The following ZNF462 variants were observed in gnomAD, a reference collection of about 807,000 sequenced individuals.
The protein encoded by ZNF462 is zinc finger protein 462, also known as zinc finger PBX1-interacting protein.
Under a neutral mutation model 201.9 loss-of-function variants are expected in ZNF462, and 10 were observed. That is an observed-to-expected ratio of 0.05 (90% CI 0.03 to 0.08). ZNF462 has a LOEUF of 0.08. Among genes scored for constraint, ZNF462 ranks in the 10% least tolerant of loss-of-function variants. The pLI, the probability that ZNF462 is intolerant of heterozygous loss-of-function variation, is 1.00. For missense variants in ZNF462, 2,523 were observed against 3,168.3 expected (o/e 0.80, Z 4.89); for synonymous variants, 1,227 against 1,193.3 (o/e 1.03, Z -0.58).
intron 10 of ZNF462, among the ~76,000 whole-genome samples, chr9:106,996,435 G>A (rs1188468232): frequency 6.6e-6 from 1 of 152,150 alleles, no homozygotes; most frequent in Non-Finnish European, 1.5e-5. Context: ...CACCAACAGT[G>A]TAAAAGTGTT....
At chr9:106,998,382 A>T (rs977328137) in intron 10 of ZNF462, among the ~76,000 whole-genome samples, 11 of 152,274 alleles carry the variant, frequency 7.2e-5, no homozygotes, top group African/African-American at 2.6e-4. Flanking sequence ...ATCCTAGTAC[A>T]ATATGAAAAT....
At position 107,006,993 on chromosome 9, in the gene ZNF462, C is replaced by T. The variant is rs768067196; in HGVS notation, c.7190-2552C>T. Among the ~76,000 whole-genome samples, 1 of 151,902 alleles carries T rather than the reference C, an allele frequency of 6.6e-6. No homozygotes were observed. Among genetic ancestry groups the T allele is most frequent in the Non-Finnish European group, 1.5e-5 (1 of 68,014 alleles). On this transcript the variant is annotated intron_variant, in intron 11 of 12. Transcript: ENST00000277225. The surrounding 1 kb of genome is among the most constrained non-coding windows in gnomAD (Gnocchi z 4.3). Reference sequence around the variant, plus strand: ...TTTCAAACCATTTCATGAGTATGTTCTTTACAATGATTTCTTAACATCTCT... The same window carrying T: ...TTTCAAACCATTTCATGAGTATGTTTTTTACAATGATTTCTTAACATCTCT...
chr9:106,943,926 A>G (rs934759529), intron 7 of ZNF462, among the ~76,000 whole-genome samples: 4 of 152,160 alleles, frequency 2.6e-5, no homozygotes, highest in African/African-American at 9.7e-5. Flanking sequence ...GGAATGCTCT[A>G]ACATTAATTC....
intron 7 of ZNF462, among the ~76,000 whole-genome samples, chr9:106,959,455 G>T (rs1831729204): frequency 6.6e-6 from 1 of 152,078 alleles, no homozygotes; most frequent in African/African-American, 2.4e-5. Flanking sequence ...CATTGCTGTG[G>T]AACTGAGGCC....
Position 106,977,157 on chromosome 9 carries a change from G to A in ZNF462, c.6832+2884G>A, listed in dbSNP as rs1266637709. Reference sequence around the variant, plus strand: ...TTTGGTGTCCATCTCTACTCAAAATGGCAGCTCAGTAGGAAGCTGACCTTG... The same window carrying A: ...TTTGGTGTCCATCTCTACTCAAAATAGCAGCTCAGTAGGAAGCTGACCTTG... On this transcript the variant is annotated intron_variant, in intron 9 of 12. Transcript: ENST00000277225. This position sits in a 1 kb window ranked among gnomAD's most constrained non-coding sequence, Gnocchi z 4.6. 6.6e-6 allele frequency among the ~76,000 whole-genome samples: 1 copy of A among 152,072 alleles called. No homozygotes were observed. The highest frequency in any genetic ancestry group is 2.4e-5 in the African/African-American group (1 of 41,384).
chr9:106,893,614 C>CGAAAGCAACAGGCTCTGATG (rs1351862920), intron 1 of ZNF462, among the ~76,000 whole-genome samples: 1 of 152,122 alleles, frequency 6.6e-6, no homozygotes, highest in Non-Finnish European at 1.5e-5. Context: ...ACTAATATGT[C>CGAAAGCAACAGGCTCTGATG]GAAAGCAACA....
rs1453614785 is a variant in ZNF462, at chr9:106,899,979, T to C, written c.-30-23375T>C. Among the ~76,000 whole-genome samples the C allele has an allele frequency of 2.6e-5, 4 of 151,984 alleles. 1 individual carries two copies. The highest frequency in any genetic ancestry group is 4.2e-4 in the South Asian group (2 of 4,806). The stretch of plus-strand genomic sequence containing the variant: ...ACACTGCACCATATTTGTAGTCTTT[T>C]ATCTCTTGCCCCCCTCCCACTCTTC... On this transcript the variant is annotated intron_variant, in intron 1 of 12. Transcript: ENST00000277225.
intron 7 of ZNF462, among the ~76,000 whole-genome samples, chr9:106,955,401 T>C (rs1404944666): frequency 6.6e-6 from 1 of 152,196 alleles, no homozygotes; most frequent in African/African-American, 2.4e-5. Context: ...GATTTATTGC[T>C]AAAAAATGCT....
At chr9:106,998,748 C>G (rs1828933672) in intron 10 of ZNF462, among the ~76,000 whole-genome samples, 1 of 152,016 alleles carries the variant, frequency 6.6e-6, no homozygotes, top group East Asian at 1.9e-4. Flanking sequence ...GCTGGGATTA[C>G]AGGTACCCGC....
chr9:106,940,958 C>T (rs1830843848), intron 7 of ZNF462, among the ~76,000 whole-genome samples: 1 of 152,186 alleles, frequency 6.6e-6, no homozygotes, highest in Admixed American at 6.5e-5. Flanking sequence ...TAATTGTTTT[C>T]ATCTGACATG....
rs560817383 is a variant in ZNF462 at position 106,926,185 on chromosome 9, A to G, written c.2273A>G (p.Gln758Arg). ...GAGGTTCCCACTTCCTTTTCTGCCC[A>G]ACAGATATGGGTAAGAGATACCAGT... is the stretch of plus-strand genomic sequence containing the variant. ...IIEVPTSFSA[Q>R]QIWVRDTSEP... Residue 758 changes from glutamine to arginine, a missense_variant, in exon 3 of 13, where the codon CAA (glutamine) becomes CGA (arginine). Transcript: ENST00000277225. This position sits in a 1 kb window ranked among gnomAD's most constrained non-coding sequence, Gnocchi z 7.9. 1 of 1,614,218 alleles carries G rather than the reference A, an allele frequency of 6.2e-7. No individual in the cohort carries two copies. The highest frequency in any genetic ancestry group is 8.5e-7 in the Non-Finnish European group (1 of 1,180,038).
intron 10 of ZNF462, among the ~76,000 whole-genome samples, chr9:106,988,138 A>C (rs1827993495): frequency 6.6e-6 from 1 of 152,098 alleles, no homozygotes; most frequent in Non-Finnish European, 1.5e-5. Flanking sequence ...GACGTACCTG[A>C]GACTGGGCAA....
Position 106,924,668 on chromosome 9 carries a change from C to T in ZNF462, c.756C>T (p.Thr252=), listed in dbSNP as rs751673649. Residue 252 remains threonine, a synonymous_variant, in exon 3 of 13, where the codon ACC becomes ACT. Coordinates refer to ENST00000277225, the MANE Select transcript of ZNF462 (RefSeq NM_021224.6). The surrounding 1 kb of genome is among the most constrained non-coding windows in gnomAD (Gnocchi z 6.2). ...NFCCEWCSYQ[T]PRRERWCDHM... ...GTTGTGAGTGGTGCAGCTACCAGAC[C>T]CCCCGCCGAGAACGCTGGTGTGACC... 2 of 1,614,060 alleles carry T rather than the reference C, an allele frequency of 1.2e-6. No homozygotes were observed. Among genetic ancestry groups the T allele is most frequent in the Non-Finnish European group, 8.5e-7 (1 of 1,180,000 alleles).
At chr9:106,979,240 T>A (rs975314863) in intron 9 of ZNF462, 1 of 153,988 alleles carries the variant, frequency 6.5e-6, no homozygotes. Flanking sequence ...GCCAACAATC[T>A]TCTTCTCTTG....
At position 106,954,121 on chromosome 9, in the gene ZNF462, A is replaced by G. The variant is rs535195937; in HGVS notation, c.6427+15014A>G. On this transcript the variant is annotated intron_variant, in intron 7 of 12. Coordinates refer to ENST00000277225, the MANE Select transcript of ZNF462 (RefSeq NM_021224.6). The surrounding 1 kb of genome is among the most constrained non-coding windows in gnomAD (Gnocchi z 4.0). ...ATTCAGAAGTCTTTAACAGCTCTGC[A>G]TGGCCTGTGTATTAGTCCGTTTTCA... Among the ~76,000 whole-genome samples, 1 of 152,170 alleles carries G rather than the reference A, an allele frequency of 6.6e-6. No homozygotes were observed. Among genetic ancestry groups the G allele is most frequent in the Non-Finnish European group, 1.5e-5 (1 of 68,028 alleles).
rs1588073891 is a variant in ZNF462 at position 106,929,413 on chromosome 9, T to G, written c.5501T>G (p.Val1834Gly). The change falls in exon 3 of 13, where the codon GTG becomes GGG. Residue 1834 changes from valine (V) to glycine (G), a missense_variant. Around this residue, in one of 15 missense-constraint regions of ZNF462, gnomAD observed 207 missense variants for 231.6 expected, o/e 0.89. Coordinates refer to ENST00000277225, the MANE Select transcript of ZNF462 (RefSeq NM_021224.6). The surrounding 1 kb of genome is among the most constrained non-coding windows in gnomAD (Gnocchi z 8.7). ...AGAGGCAACTTTGAGAAAGCCGAGG[T>G]GGAGGGTGAAGCTCAGGAAATCGAG... is the stretch of plus-strand genomic sequence containing the variant. ...EERGNFEKAE[V>G]EGEAQEIEWL... 1 of 1,613,916 alleles carries G rather than the reference T, an allele frequency of 6.2e-7. No individual in the cohort carries two copies.
At chr9:106,947,039 A>G (rs934846636) in intron 7 of ZNF462, among the ~76,000 whole-genome samples, 1 of 152,214 alleles carries the variant, frequency 6.6e-6, no homozygotes, top group South Asian at 2.1e-4. Flanking sequence ...ATGGTGAAAT[A>G]GCAAATGGCC....
At chr9:106,912,309 C>T (rs1829585289) in intron 1 of ZNF462, among the ~76,000 whole-genome samples, 1 of 152,224 alleles carries the variant, frequency 6.6e-6, no homozygotes, top group African/African-American at 2.4e-5. Context: ...TCTGTGTATA[C>T]CTTTGTCAGC....
intron 7 of ZNF462, among the ~76,000 whole-genome samples, chr9:106,941,296 T>C (rs1830859653): frequency 6.6e-6 from 1 of 152,182 alleles, no homozygotes; most frequent in Non-Finnish European, 1.5e-5. Flanking sequence ...ATCAACTGTT[T>C]AGATGATACT....
Sources: gnomAD v4.1 joint callset for allele counts (sites outside exome capture counted in the v4.1 genomes callset) on GRCh38, gnomAD v4.1.1 for gene constraint, gnomAD v4.1.1 regional missense constraint, Gnocchi (gnomAD v3.1) non-coding constraint, MANE v1.5 for transcripts, NCBI Gene and HGNC (gene_info 2026-07-23, HGNC 2026-07-21) for gene names.